Variants in EDIL3 observed in about 807,000 individuals in gnomAD.
EDIL3 encodes the protein EGF like and discoidin domains 3.
Under a neutral mutation model 67.4 loss-of-function variants are expected in EDIL3, and 37 were observed. That is an observed-to-expected ratio of 0.55 (90% CI 0.42 to 0.72). The LOEUF (loss-of-function observed/expected upper bound fraction) is 0.72. Ranked by LOEUF, EDIL3 falls within the 30% of genes least tolerant of loss-of-function variation. The pLI, the probability that EDIL3 is intolerant of heterozygous loss-of-function variation, is 0.00. For missense variants in EDIL3, 527 were observed against 586.3 expected (o/e 0.90, Z 1.04); for synonymous variants, 195 against 196.3 (o/e 0.99, Z 0.05).
chr5:84,007,981 A>G (rs1376258510), intron 9 of EDIL3, among the ~76,000 whole-genome samples: 2 of 152,202 alleles, frequency 1.3e-5, no homozygotes, highest in Admixed American at 6.5e-5. Context: ...TTGCATTAGC[A>G]TGGATAAAAC....
At chr5:84,170,043 C>G (rs1040618834) in intron 4 of EDIL3, among the ~76,000 whole-genome samples, 1 of 152,188 alleles carries the variant, frequency 6.6e-6, no homozygotes, top group African/African-American at 2.4e-5. Flanking sequence ...CAGATTAGTG[C>G]TTTGCACTGA....
chr5:83,993,046 G>A (rs1745177538), intron 9 of EDIL3, among the ~76,000 whole-genome samples: 1 of 152,016 alleles, frequency 6.6e-6, no homozygotes, highest in Non-Finnish European at 1.5e-5. Context: ...CTAAATAAGA[G>A]AAAATCTTAA....
At chr5:84,383,008 C>T (rs1180266073) in intron 1 of EDIL3, among the ~76,000 whole-genome samples, 1 of 152,166 alleles carries the variant, frequency 6.6e-6, no homozygotes, top group East Asian at 1.9e-4. Context: ...TCTTGTGACT[C>T]AAATAGATGG....
intron 3 of EDIL3, among the ~76,000 whole-genome samples, chr5:84,197,869 A>G (rs1647196037): frequency 6.6e-6 from 1 of 151,928 alleles, no homozygotes; most frequent in African/African-American, 2.4e-5. Flanking sequence ...GTCATTTAAG[A>G]CATTTAAGCA....
At chr5:84,263,121 G>A in intron 1 of EDIL3, among the ~76,000 whole-genome samples, 1 of 152,128 alleles carries the variant, frequency 6.6e-6, no homozygotes, top group East Asian at 1.9e-4. Context: ...TATTCTCAAA[G>A]ACTCTCACAA....
At chr5:83,954,240 T>C (rs1744469561) in intron 10 of EDIL3, among the ~76,000 whole-genome samples, 1 of 151,782 alleles carries the variant, frequency 6.6e-6, no homozygotes, top group Non-Finnish European at 1.5e-5. Context: ...GTTTGGTGAT[T>C]ATTTAGAAAT....
At chr5:84,377,171 A>AAC (rs1747984154) in intron 1 of EDIL3, among the ~76,000 whole-genome samples, 1 of 152,032 alleles carries the variant, frequency 6.6e-6, no homozygotes, top group Non-Finnish European at 1.5e-5. Flanking sequence ...CTAAAAATAC[A>AAC]GAAAAATTAG....
intron 6 of EDIL3, among the ~76,000 whole-genome samples, chr5:84,081,150 C>T (rs1224736116): frequency 1.3e-5 from 2 of 152,090 alleles, no homozygotes; most frequent in South Asian, 2.1e-4. Flanking sequence ...TTCCAGGAGT[C>T]GGGGCCAGGT....
intron 9 of EDIL3, among the ~76,000 whole-genome samples, chr5:84,011,695 C>G (rs537470801): frequency 6.6e-6 from 1 of 152,108 alleles, no homozygotes; most frequent in Non-Finnish European, 1.5e-5. Flanking sequence ...TCACAGTGGT[C>G]TTCTTTTTCT....
At chr5:84,146,830 T>C (rs1432103680) in intron 4 of EDIL3, among the ~76,000 whole-genome samples, 1 of 152,170 alleles carries the variant, frequency 6.6e-6, no homozygotes, top group African/African-American at 2.4e-5. Context: ...ATTAAAATTT[T>C]GTCATTTTTT....
At chr5:84,172,239 G>T (rs1470255664) in intron 4 of EDIL3, among the ~76,000 whole-genome samples, 1 of 152,144 alleles carries the variant, frequency 6.6e-6, no homozygotes, top group Non-Finnish European at 1.5e-5. Context: ...TTTTTATATA[G>T]TTTGCAAGTG....
intron 9 of EDIL3, among the ~76,000 whole-genome samples, chr5:84,045,849 A>T (rs1746213945): frequency 6.6e-6 from 1 of 152,256 alleles, no homozygotes; most frequent in East Asian, 1.9e-4. Flanking sequence ...ATCAGCCAGC[A>T]AATCAATACT....
chr5:84,285,215 A>G (rs995009129), intron 1 of EDIL3, among the ~76,000 whole-genome samples: 1 of 152,230 alleles, frequency 6.6e-6, no homozygotes, highest in Non-Finnish European at 1.5e-5. Flanking sequence ...ATATTCATTG[A>G]TTCTAAGGAA....
chr5:83,970,743 T>C (rs1048562727), intron 9 of EDIL3, among the ~76,000 whole-genome samples: 1 of 149,226 alleles, frequency 6.7e-6, no homozygotes, highest in Non-Finnish European at 1.5e-5. Flanking sequence ...CTTTGTTCTA[T>C]CCCCCTACCT....
chr5:84,358,200 C>T (rs1747526943), intron 1 of EDIL3, among the ~76,000 whole-genome samples: 2 of 152,174 alleles, frequency 1.3e-5, no homozygotes, highest in African/African-American at 4.8e-5. Flanking sequence ...ACCTGGTTTT[C>T]TCTAACTAAT....
chr5:84,337,955 A>G (rs1331082304), intron 1 of EDIL3, among the ~76,000 whole-genome samples: 1 of 152,134 alleles, frequency 6.6e-6, no homozygotes, highest in Non-Finnish European at 1.5e-5. Flanking sequence ...TCTATTTAAG[A>G]CACGCTTCTG....
chr5:84,344,770 A>G (rs1011450608), intron 1 of EDIL3, among the ~76,000 whole-genome samples: 4 of 152,120 alleles, frequency 2.6e-5, no homozygotes, highest in African/African-American at 9.7e-5. Context: ...TTTTTAGTGT[A>G]GCTACTAGAA....
chr5:84,137,422 T>A, intron 4 of EDIL3, 68 bp from the exon 5 acceptor site: 1 of 1,394,926 alleles, frequency 7.2e-7, no homozygotes, highest in Non-Finnish European at 1.0e-6. Context: ...TGGAAAGTTT[T>A]AACATTTGAA....
At chr5:84,303,622 ATATTAT>A (rs1284472136) in intron 1 of EDIL3, among the ~76,000 whole-genome samples, 1 of 152,212 alleles carries the variant, frequency 6.6e-6, no homozygotes, top group Non-Finnish European at 1.5e-5. Flanking sequence ...AACAGTCATT[ATATTAT>A]TATATTTTAC....
Sources: gnomAD v4.1 joint callset for allele counts (sites outside exome capture counted in the v4.1 genomes callset) on GRCh38, gnomAD v4.1.1 for gene constraint, MANE v1.5 for transcripts, NCBI Gene and HGNC (gene_info 2026-07-23, HGNC 2026-07-21) for gene names.